The following ZFHX3 variants were observed in gnomAD, a reference collection of about 807,000 sequenced individuals.
ZFHX3 encodes zinc finger homeobox protein 3.
In ZFHX3, 42 loss-of-function variants were observed where a neutral mutation model predicts 279.1. That is an observed-to-expected ratio of 0.15 (90% CI 0.12 to 0.19). ZFHX3 has a LOEUF of 0.19. Ranked by LOEUF, ZFHX3 falls within the 10% of genes least tolerant of loss-of-function variation. ZFHX3 has a pLI of 1.00. For missense variants in ZFHX3, 4,981 were observed against 4,754.0 expected (o/e 1.05, Z -1.40); for synonymous variants, 2,293 against 1,957.8 (o/e 1.17, Z -4.52).
At chr16:72,976,908 A>C (rs1307822933) in intron 1 of ZFHX3, among the ~76,000 whole-genome samples, 1 of 152,216 alleles carries the variant, frequency 6.6e-6, no homozygotes, top group East Asian at 1.9e-4. Context: ...TCTAACCCCC[A>C]CGGGGGTCTC....
At chr16:73,713,258 G>T (rs940910952) in intron 1 of ZFHX3, among the ~76,000 whole-genome samples, 1 of 152,080 alleles carries the variant, frequency 6.6e-6, no homozygotes, top group Non-Finnish European at 1.5e-5. Context: ...ATGCATTCCC[G>T]TCCCACTCAA....
chr16:73,485,280 C>T (rs1485499333), intron 2 of ZFHX3, among the ~76,000 whole-genome samples: 1 of 152,078 alleles, frequency 6.6e-6, no homozygotes, highest in Non-Finnish European at 1.5e-5. Context: ...TGGTTTCTTT[C>T]CTTTGTGTAA....
intron 2 of ZFHX3, among the ~76,000 whole-genome samples, chr16:73,576,484 C>G (rs1195042716): frequency 1.3e-5 from 2 of 152,048 alleles, no homozygotes; most frequent in Non-Finnish European, 2.9e-5. Context: ...TCACCTGGCA[C>G]AAGTATGTGG....
intron 2 of ZFHX3, among the ~76,000 whole-genome samples, chr16:73,502,871 C>T (rs2019263756): frequency 1.3e-5 from 2 of 152,184 alleles, no homozygotes; most frequent in Admixed American, 6.5e-5. Context: ...TAAAACAGTG[C>T]CTATTAACTG....
intron 1 of ZFHX3, among the ~76,000 whole-genome samples, chr16:73,792,856 A>ACCCCCCC (rs55813623): frequency 2.6e-4 from 35 of 135,196 alleles, no homozygotes; most frequent in African/African-American, 4.3e-4. Flanking sequence ...CATACAGTGC[A>ACCCCCCC]CCCCCCCCCT....
Position 72,784,539 on chromosome 16 carries a change from C to CA in ZFHX3, c.*2624dup, listed in dbSNP as rs1192487688. 1.3e-5 allele frequency: 2 copies of CA among 150,446 alleles called. No individual in the cohort carries two copies. Among genetic ancestry groups the CA allele is most frequent in the African/African-American group, 4.9e-5 (2 of 40,842 alleles). The allele number at this position is 150,446 out of a possible 1,614,324, so 9.3% of individuals were successfully genotyped here. On this transcript the variant is annotated 3_prime_UTR_variant, in exon 10 of 10. Transcript: ENST00000268489. ...AGAGTAACATACAACAGTTAAATGG[C>CA]AAAAAATATATATATATATATTTCA...
At chr16:73,471,232 G>C (rs1379384206) in intron 2 of ZFHX3, among the ~76,000 whole-genome samples, 1 of 152,168 alleles carries the variant, frequency 6.6e-6, no homozygotes, top group African/African-American at 2.4e-5. Flanking sequence ...CTCTTGGGCT[G>C]TTTTTACAAA....
intron 1 of ZFHX3, among the ~76,000 whole-genome samples, chr16:73,777,562 A>C (rs1463045352): frequency 1.3e-5 from 2 of 150,840 alleles, no homozygotes; most frequent in Admixed American, 1.3e-4. Context: ...AACAGAATTA[A>C]GAAAACATTT....
chr16:73,471,095 T>C (rs1175673081), intron 2 of ZFHX3, among the ~76,000 whole-genome samples: 1 of 152,224 alleles, frequency 6.6e-6, no homozygotes, highest in Non-Finnish European at 1.5e-5. Context: ...ACTTAATGTC[T>C]AATGACATCT....
chr16:73,435,827 G>A (rs117104831), intron 3 of ZFHX3, among the ~76,000 whole-genome samples: 1 of 152,186 alleles, frequency 6.6e-6, no homozygotes, highest in Admixed American at 6.5e-5. Flanking sequence ...TGCTATTTGG[G>A]GTCAGGGGTA....
At chr16:73,877,514 G>T (rs2029991155) in intron 1 of ZFHX3, among the ~76,000 whole-genome samples, 1 of 152,138 alleles carries the variant, frequency 6.6e-6, no homozygotes, top group African/African-American at 2.4e-5. Context: ...TTTTAAGCCA[G>T]TTGATACAGA....
At position 72,959,015 on chromosome 16, in the gene ZFHX3, T is replaced by C. The variant is rs1457889611; in HGVS notation, c.1131A>G (p.Glu377=). The change falls in exon 2 of 10, where the codon GAA becomes GAG. Residue 377 remains glutamate (E), a synonymous_variant. Coordinates refer to ENST00000268489, the MANE Select transcript of ZFHX3 (RefSeq NM_006885.4). ...CAGCGGCGGAGCCCGCTGGGAGAGC[T>C]TCCTCCCCTTCCATTCGAATGCCAC... The part of the protein sequence containing the change: ...KFSGIRMEGE[E]ALPAGSAAGP... 6.2e-7 allele frequency: 1 copy of C among 1,612,206 alleles called. No individual in the cohort carries two copies. Among genetic ancestry groups the C allele is most frequent in the Non-Finnish European group, 8.5e-7 (1 of 1,179,058 alleles).
chr16:73,242,786 C>T (rs923483479), intron 5 of ZFHX3, among the ~76,000 whole-genome samples: 3 of 152,166 alleles, frequency 2.0e-5, no homozygotes, highest in Non-Finnish European at 2.9e-5. Context: ...TCTTAACGAG[C>T]GGAGTACAGG....
chr16:73,314,103 G>GA (rs1260872201), intron 4 of ZFHX3, among the ~76,000 whole-genome samples: 5 of 151,888 alleles, frequency 3.3e-5, no homozygotes, highest in African/African-American at 1.2e-4. Flanking sequence ...TGTCTCAAAA[G>GA]AAAAAAAATC....
chr16:73,177,582 G>C (rs1302430150), intron 5 of ZFHX3, among the ~76,000 whole-genome samples: 1 of 152,196 alleles, frequency 6.6e-6, no homozygotes, highest in Non-Finnish European at 1.5e-5. Context: ...AAAATACACA[G>C]AACACTGGCA....
intron 1 of ZFHX3, among the ~76,000 whole-genome samples, chr16:73,854,860 T>C (rs935256509): frequency 2.1e-4 from 32 of 151,794 alleles, no homozygotes; most frequent in African/African-American, 7.5e-4. Context: ...TTCAACTAGG[T>C]TGAGCACCGA....
intron 5 of ZFHX3, among the ~76,000 whole-genome samples, chr16:73,208,821 G>A (rs2011902387): frequency 6.6e-6 from 1 of 152,216 alleles, no homozygotes; most frequent in Admixed American, 6.5e-5. Context: ...TTTGCAAAAT[G>A]AATCTAGTGA....
intron 4 of ZFHX3, among the ~76,000 whole-genome samples, chr16:73,298,891 A>T (rs1169767236): frequency 6.6e-6 from 1 of 152,242 alleles, no homozygotes; most frequent in East Asian, 1.9e-4. Flanking sequence ...ATACAGTCAG[A>T]ACAATTTCAC....
At chr16:72,939,538 AG>A (rs1960305921) in intron 3 of ZFHX3, among the ~76,000 whole-genome samples, 1 of 152,196 alleles carries the variant, frequency 6.6e-6, no homozygotes, top group Admixed American at 6.5e-5. Context: ...CAAGGGCAAA[AG>A]GGGTCTGGGA....
Sources: gnomAD v4.1 joint callset for allele counts (sites outside exome capture counted in the v4.1 genomes callset) on GRCh38, gnomAD v4.1.1 for gene constraint, MANE v1.5 for transcripts, NCBI Gene and HGNC (gene_info 2026-07-23, HGNC 2026-07-21) for gene names.